Variants in MACROD2 observed in about 807,000 individuals in gnomAD.
MACROD2 encodes ADP-ribose glycohydrolase MACROD2.
Under a neutral mutation model 70.4 loss-of-function variants are expected in MACROD2, and 36 were observed. That is an observed-to-expected ratio of 0.51 (90% CI 0.39 to 0.68). MACROD2 has a LOEUF of 0.68. Ranked by LOEUF, MACROD2 falls within the 30% of genes least tolerant of loss-of-function variation. The pLI is 0.00. For synonymous variants in MACROD2, 172 were observed against 178.8 expected (o/e 0.96, Z 0.30); for missense variants, 496 against 538.4 (o/e 0.92, Z 0.78).
chr20:15,229,747 G>T (rs2076943169), intron 5 of MACROD2, among the ~76,000 whole-genome samples, 193 bp from the exon 6 acceptor site: 1 of 152,096 alleles, frequency 6.6e-6, no homozygotes, highest in South Asian at 2.1e-4. Context: ...ATTTTCCTGG[G>T]AAATTGCCTA....
intron 3 of MACROD2, among the ~76,000 whole-genome samples, chr20:14,296,618 G>A (rs2082429669): frequency 6.6e-6 from 1 of 151,968 alleles, no homozygotes; most frequent in South Asian, 2.1e-4. Context: ...AGCTTGAAGA[G>A]ATGCAAATTT....
intron 8 of MACROD2, among the ~76,000 whole-genome samples, chr20:15,737,977 T>C (rs1021850415): frequency 7.9e-5 from 12 of 151,858 alleles, no homozygotes; most frequent in African/African-American, 2.7e-4. Context: ...GGTAAATATA[T>C]AGATTAAAAG....
chr20:15,488,802 G>C (rs1934711280), intron 7 of MACROD2, among the ~76,000 whole-genome samples: 2 of 152,098 alleles, frequency 1.3e-5, no homozygotes, highest in South Asian at 2.1e-4. Context: ...TTTTAAAAAA[G>C]AATTTCTAAA....
intron 3 of MACROD2, among the ~76,000 whole-genome samples, chr20:14,175,244 T>C: frequency 6.6e-6 from 1 of 152,210 alleles, no homozygotes; most frequent in East Asian, 1.9e-4. Flanking sequence ...CATTTTCTTC[T>C]ACTGCTCTTG....
chr20:15,728,408 G>C (rs886731635), intron 8 of MACROD2, among the ~76,000 whole-genome samples: 4 of 152,122 alleles, frequency 2.6e-5, no homozygotes, highest in Non-Finnish European at 2.9e-5. Context: ...GGATAATGCT[G>C]GCCTAATAGA....
At chr20:15,474,405 C>G (rs868222033) in intron 7 of MACROD2, among the ~76,000 whole-genome samples, 7 of 152,092 alleles carry the variant, frequency 4.6e-5, no homozygotes, top group Admixed American at 2.0e-4. Context: ...GACATCTGAG[C>G]GGGGATAGTG....
chr20:15,468,524 AACAGCTTGTAGACAAAGAGAGAAGCT>A (rs2046924871), intron 7 of MACROD2, among the ~76,000 whole-genome samples: 1 of 152,226 alleles, frequency 6.6e-6, no homozygotes, highest in Non-Finnish European at 1.5e-5. Flanking sequence ...CAAGAAAAAA[AACAGCTTGTAGACAAAGAGAGAAGCT>A]CAGTGGCTGT....
intron 5 of MACROD2, among the ~76,000 whole-genome samples, chr20:15,064,779 G>A (rs1362896737): frequency 6.6e-6 from 1 of 152,134 alleles, no homozygotes; most frequent in East Asian, 1.9e-4. Flanking sequence ...ATTACACTCC[G>A]CAAAACGGCA....
chr20:15,223,609 CTGAT>C (rs2076880270), intron 5 of MACROD2, among the ~76,000 whole-genome samples: 2 of 152,266 alleles, frequency 1.3e-5, no homozygotes, highest in African/African-American at 4.8e-5. Context: ...TAGCAGTTGA[CTGAT>C]TGAGATAATA....
At chr20:14,973,574 T>C (rs1385854367) in intron 5 of MACROD2, among the ~76,000 whole-genome samples, 1 of 152,098 alleles carries the variant, frequency 6.6e-6, no homozygotes, top group Non-Finnish European at 1.5e-5. Flanking sequence ...TTCATATCTT[T>C]TTGCTTAGAC....
chr20:15,557,724 T>A (rs1276978927), intron 8 of MACROD2, among the ~76,000 whole-genome samples: 1 of 152,200 alleles, frequency 6.6e-6, no homozygotes, highest in Non-Finnish European at 1.5e-5. Flanking sequence ...GAACTCATGA[T>A]GGAACACAGA....
chr20:15,610,427 G>A (rs1600664373), intron 8 of MACROD2, among the ~76,000 whole-genome samples: 1 of 152,140 alleles, frequency 6.6e-6, no homozygotes, highest in South Asian at 2.1e-4. Flanking sequence ...AACCCTAGGT[G>A]TTCCTGGACT....
chr20:14,658,169 T>C (rs1189745693), intron 4 of MACROD2, among the ~76,000 whole-genome samples: 1 of 152,212 alleles, frequency 6.6e-6, no homozygotes, highest in Non-Finnish European at 1.5e-5. Flanking sequence ...GTTGCAAGCT[T>C]ATTTAAAATT....
At chr20:15,189,086 G>T (rs964028623) in intron 5 of MACROD2, among the ~76,000 whole-genome samples, 3 of 152,056 alleles carry the variant, frequency 2.0e-5, no homozygotes, top group African/African-American at 7.2e-5. Flanking sequence ...GGGTAACAGT[G>T]ATATATTTCA....
intron 5 of MACROD2, among the ~76,000 whole-genome samples, chr20:14,938,168 C>T (rs6043010): frequency 0.14 from 21,060 of 151,888 alleles, 1,663 homozygotes; most frequent in South Asian, 0.2. Flanking sequence ...GTGCAGATAC[C>T]TCTTTATTTT....
intron 5 of MACROD2, among the ~76,000 whole-genome samples, chr20:15,159,611 T>C (rs1033593265): frequency 8.3e-6 from 1 of 120,882 alleles, no homozygotes; most frequent in Non-Finnish European, 1.7e-5. Flanking sequence ...ACTCTAATTA[T>C]GTAAGGAGAT....
chr20:14,914,376 G>A (rs773874857), intron 5 of MACROD2, among the ~76,000 whole-genome samples: 10 of 152,200 alleles, frequency 6.6e-5, no homozygotes, highest in Non-Finnish European at 1.2e-4. Context: ...TTAAGCTTAC[G>A]TACAACAATG....
intron 4 of MACROD2, among the ~76,000 whole-genome samples, chr20:14,563,298 A>G (rs1979557920): frequency 6.6e-6 from 1 of 151,966 alleles, no homozygotes; most frequent in Non-Finnish European, 1.5e-5. Context: ...ACACAAGAGT[A>G]TGGTAATATG....
intron 8 of MACROD2, among the ~76,000 whole-genome samples, chr20:15,525,596 G>A (rs2047711355): frequency 6.6e-6 from 1 of 152,166 alleles, no homozygotes; most frequent in South Asian, 2.1e-4. Context: ...ATGAATAAGG[G>A]CAAGTCAACT....
Sources: allele counts gnomAD v4.1 joint callset (sites outside exome capture counted in the v4.1 genomes callset), GRCh38; gene constraint gnomAD v4.1.1; transcripts MANE v1.5; gene names NCBI Gene and HGNC (gene_info 2026-07-23, HGNC 2026-07-21).